The following FBN2 variants were observed in gnomAD, a reference collection of about 807,000 sequenced individuals.
The protein encoded by FBN2 is fibrillin 2.
In FBN2, 105 loss-of-function variants were observed where a neutral mutation model predicts 355.6. That is an observed-to-expected ratio of 0.30 (90% CI 0.25 to 0.35). FBN2 has a LOEUF of 0.35. FBN2 is among the 10% of genes least tolerant of loss of function. The pLI is 1.00. For synonymous variants in FBN2, 1,350 were observed against 1,301.2 expected, an observed-to-expected ratio of 1.04 and a Z score of -0.81; for missense variants, 3,280 against 3,758.7, an observed-to-expected ratio of 0.87 and a Z score of 3.33.
At chr5:128,468,400 AAAG>A (rs1561471457) in intron 5 of FBN2, among the ~76,000 whole-genome samples, 5 of 152,178 alleles carry the variant, frequency 3.3e-5, no homozygotes, top group Non-Finnish European at 7.4e-5. Context: ...CATCTGCATG[AAAG>A]TCTTTGTGTG....
chr5:128,269,375 G>A (rs1263981012), intron 62 of FBN2, among the ~76,000 whole-genome samples: 1 of 150,838 alleles, frequency 6.6e-6, no homozygotes, highest in African/African-American at 2.4e-5. Flanking sequence ...GGAGGTGGAA[G>A]TTGCAGGGAG....
rs543298154 is a variant in FBN2 at position 128,478,095 on chromosome 5, G to A, written c.629-13174C>T. Among the ~76,000 whole-genome samples the A allele has an allele frequency of 6.6e-5, 10 of 152,238 alleles. No homozygotes were observed. The East Asian group carries it at 1.9e-3, about 29-fold the overall frequency. On this transcript the variant is annotated intron_variant, in intron 5 of 64. Transcript: ENST00000262464. ...ATTCTCTTTCAGTAGGTACTCCACG[G>A]CATTACAGCCCAAGCCACTTCAAAT...
intron 5 of FBN2, among the ~76,000 whole-genome samples, chr5:128,513,340 T>G (rs1344857399): frequency 6.6e-6 from 1 of 152,258 alleles, no homozygotes; most frequent in Non-Finnish European, 1.5e-5. Flanking sequence ...ACATTTAATT[T>G]GTGTGTGTCT....
intron 7 of FBN2, among the ~76,000 whole-genome samples, chr5:128,444,326 C>T (rs372817611): frequency 7.9e-5 from 12 of 152,096 alleles, no homozygotes; most frequent in East Asian, 3.9e-4. Flanking sequence ...CCCGCCTCGG[C>T]CTCCCAAAGT....
At chr5:128,534,387 G>A (rs903044374) in intron 2 of FBN2, among the ~76,000 whole-genome samples, 11 of 152,132 alleles carry the variant, frequency 7.2e-5, no homozygotes, top group Non-Finnish European at 1.2e-4. Context: ...TGAATTGAAT[G>A]CAGGCTATTA....
intron 19 of FBN2, among the ~76,000 whole-genome samples, chr5:128,360,168 C>G (rs1278108127): frequency 6.6e-6 from 1 of 151,970 alleles, no homozygotes; most frequent in Non-Finnish European, 1.5e-5. Flanking sequence ...TCAGGAAAAA[C>G]AAAAACCTTT....
chr5:128,261,772 C>A lies in FBN2; in HGVS notation c.8328G>T (p.Arg2776Ser). The A allele has an allele frequency of 1.2e-6, 2 of 1,614,180 alleles. No individual in the cohort carries two copies. Among genetic ancestry groups the A allele is most frequent in the Non-Finnish European group, 1.7e-6 (2 of 1,180,012 alleles). Residue 2776 changes from arginine to serine, a missense_variant, in exon 64 of 65, where the codon AGG becomes AGT. By Grantham distance (110) the Arg-to-Ser change is moderately radical. Transcript: ENST00000262464. ...KINGYSKKDSRQKRSIHEPDP... is the reference protein window; with the variant it reads ...KINGYSKKDSSQKRSIHEPDP... ...CAGGTTCATGAATACTTCTCTTCTG[C>A]CTGCTGTCTTTCTTAGAATAGCCGT...
chr5:128,466,625 T>G (rs1754719881), intron 5 of FBN2, among the ~76,000 whole-genome samples: 1 of 152,212 alleles, frequency 6.6e-6, no homozygotes, highest in Non-Finnish European at 1.5e-5. Context: ...AAGAACAGTT[T>G]AGAAGTTCAA....
At chr5:128,274,010 A>G (rs1250648271) in intron 60 of FBN2, 42 bp from the exon 61 acceptor site, 1 of 1,611,414 alleles carries the variant, frequency 6.2e-7, no homozygotes, top group South Asian at 1.1e-5. Flanking sequence ...CTTTCCAATC[A>G]TAACATGTCT....
chr5:128,332,181 G>C (rs1750712231), intron 32 of FBN2, among the ~76,000 whole-genome samples: 4 of 152,108 alleles, frequency 2.6e-5, no homozygotes, highest in Admixed American at 2.6e-4. Context: ...CTTACTGAGG[G>C]CCTATATATT....
chr5:128,392,070 G>A lies in FBN2; in HGVS notation c.1551C>T (p.Tyr517=). 1.2e-6 allele frequency: 2 copies of A among 1,613,690 alleles called. No individual in the cohort carries two copies. The highest frequency in any genetic ancestry group is 1.7e-6 in the Non-Finnish European group (2 of 1,179,658). The part of the protein sequence containing the change: ...NGRCIPTVSS[Y]RCECNMGYKQ... ...TATAACCCATGTTGCATTCACATCG[G>A]TAGCTTGAGACAGTTGGTATACAGC... The change falls in exon 11 of 65, where the codon TAC becomes TAT. Residue 517 remains tyrosine, a synonymous_variant. Coordinates refer to ENST00000262464, the MANE Select transcript of FBN2 (RefSeq NM_001999.4).
At chr5:128,531,716 A>ATG (rs34912003) in intron 2 of FBN2, among the ~76,000 whole-genome samples, 3 of 143,536 alleles carry the variant, frequency 2.1e-5, no homozygotes, top group Non-Finnish European at 4.5e-5. Flanking sequence ...ATATATATGT[A>ATG]TGTGTGTATA....
chr5:128,294,308 G>GT (rs1240342977), intron 48 of FBN2, among the ~76,000 whole-genome samples: 16 of 152,038 alleles, frequency 1.1e-4, no homozygotes, highest in African/African-American at 3.4e-4. Flanking sequence ...ACGTGTGCAT[G>GT]TGTCTTTACA....
At chr5:128,366,089 A>G (rs1156888223) in intron 17 of FBN2, among the ~76,000 whole-genome samples, 1 of 151,848 alleles carries the variant, frequency 6.6e-6, no homozygotes, top group Non-Finnish European at 1.5e-5. Flanking sequence ...CTTAAATGTC[A>G]CATTATTCTT....
chr5:128,458,061 A>G (rs543114440), intron 6 of FBN2, among the ~76,000 whole-genome samples: 16 of 152,306 alleles, frequency 1.1e-4, no homozygotes, highest in Admixed American at 2.0e-4. Flanking sequence ...CGTGTGCTGT[A>G]CTAAGGAAAC....
intron 7 of FBN2, among the ~76,000 whole-genome samples, chr5:128,430,561 C>A (rs1463578409): frequency 6.6e-6 from 1 of 152,056 alleles, no homozygotes; most frequent in Admixed American, 6.6e-5. Context: ...AAATAAAATA[C>A]AGGCCAGTGA....
chr5:128,517,568 C>T (rs1756313677), intron 5 of FBN2, among the ~76,000 whole-genome samples: 1 of 152,054 alleles, frequency 6.6e-6, no homozygotes, highest in African/African-American at 2.4e-5. Context: ...CAAGAAATCT[C>T]AATTACATTA....
intron 45 of FBN2, among the ~76,000 whole-genome samples, chr5:128,303,976 C>T (rs1482182393): frequency 6.6e-6 from 1 of 152,026 alleles, no homozygotes; most frequent in African/African-American, 2.4e-5. Context: ...TTTTCCCTGC[C>T]ATTATAGGAG....
At chr5:128,304,935 T>A (rs560762346) in intron 45 of FBN2, 22 bp downstream of exon 45, 1 of 1,613,914 alleles carries the variant, frequency 6.2e-7, no homozygotes, top group South Asian at 1.1e-5. Flanking sequence ...CTTCACTCCC[T>A]GGAGCCACAT....
Sources: allele counts gnomAD v4.1 joint callset (sites outside exome capture counted in the v4.1 genomes callset), GRCh38; gene constraint gnomAD v4.1.1; transcripts MANE v1.5; gene names NCBI Gene and HGNC (gene_info 2026-07-23, HGNC 2026-07-21).